The following RGS6 variants were observed in gnomAD, a reference collection of about 807,000 sequenced individuals.
RGS6 encodes the protein regulator of G-protein signaling 6.
A neutral mutation model predicts 78.5 loss-of-function variants in RGS6; 30 were observed. That is an observed-to-expected ratio of 0.38 (90% CI 0.29 to 0.52). The LOEUF is 0.52. RGS6 is among the 20% of genes least tolerant of loss of function. RGS6 has a pLI of 0.85. For synonymous variants in RGS6, 206 were observed against 206.0 expected (o/e 1.00, Z 0.00); for missense variants, 495 against 609.7 (o/e 0.81, Z 1.98).
chr14:71,893,519 A>C, the RGS6 span, among the ~76,000 whole-genome samples: 9 of 152,136 alleles, frequency 5.9e-5, no homozygotes, highest in South Asian at 1.2e-3. Flanking sequence ...AAATAGTAGA[A>C]AGGAGAGTTT....
chr14:72,451,220 T>C (rs1329871689), intron 3 of RGS6, among the ~76,000 whole-genome samples: 1 of 152,162 alleles, frequency 6.6e-6, no homozygotes, highest in Admixed American at 6.5e-5. Flanking sequence ...CTGAGGACTG[T>C]TGCATCAGTC....
chr14:72,020,324 CA>C (rs1357389970), intron 2 of RGS6, among the ~76,000 whole-genome samples: 3 of 152,216 alleles, frequency 2.0e-5, no homozygotes, highest in Non-Finnish European at 4.4e-5. Context: ...AAAATTTAAT[CA>C]GACCAAGTGC....
intron 3 of RGS6, among the ~76,000 whole-genome samples, chr14:72,361,822 G>A (rs568963320): frequency 1.3e-5 from 2 of 152,272 alleles, no homozygotes; most frequent in South Asian, 4.1e-4. Flanking sequence ...AGTCAAAGCT[G>A]AGTGTGTTTT....
chr14:72,430,528 C>T (rs568459172), intron 3 of RGS6, among the ~76,000 whole-genome samples: 64 of 152,330 alleles, frequency 4.2e-4, no homozygotes, highest in Admixed American at 6.5e-4. Context: ...GTTGGCTGCA[C>T]AACAGCTTGG....
chr14:72,557,956 A>G (rs565245529), intron 17 of RGS6, among the ~76,000 whole-genome samples: 1 of 152,322 alleles, frequency 6.6e-6, no homozygotes, highest in African/African-American at 2.4e-5. Flanking sequence ...ATTCCAAGGC[A>G]TAGATGTCAT....
chr14:72,065,348 G>A (rs1192561889), intron 2 of RGS6, among the ~76,000 whole-genome samples: 1 of 152,116 alleles, frequency 6.6e-6, no homozygotes, highest in Non-Finnish European at 1.5e-5. Flanking sequence ...TCTGCCAGAG[G>A]CTTTATCCCA....
At chr14:72,593,667 G>A in the RGS6 span, among the ~76,000 whole-genome samples, 20 of 152,184 alleles carry the variant, frequency 1.3e-4, no homozygotes, top group African/African-American at 3.9e-4. Flanking sequence ...GATTACAGCC[G>A]TGAGCCACCG....
intron 2 of RGS6, among the ~76,000 whole-genome samples, chr14:72,068,657 C>T (rs1320426212): frequency 1.3e-5 from 2 of 151,568 alleles, no homozygotes. Flanking sequence ...CCACCACACC[C>T]GGCTAATTTT....
the RGS6 span, among the ~76,000 whole-genome samples, chr14:72,591,679 G>C: frequency 2.6e-5 from 4 of 152,222 alleles, no homozygotes; most frequent in Admixed American, 2.6e-4. Flanking sequence ...ACCTGCACAA[G>C]AGACTGTGTG....
At chr14:72,248,013 A>G (rs892908599) in intron 2 of RGS6, among the ~76,000 whole-genome samples, 2 of 152,246 alleles carry the variant, frequency 1.3e-5, no homozygotes, top group Non-Finnish European at 2.9e-5. Flanking sequence ...GTAGTCACTG[A>G]AGAACTATTA....
chr14:72,545,598 G>A (rs909352141), intron 17 of RGS6, among the ~76,000 whole-genome samples: 1 of 152,312 alleles, frequency 6.6e-6, no homozygotes, highest in African/African-American at 2.4e-5. Flanking sequence ...CTTAGAATGG[G>A]AGAGGAGCTG....
intron 2 of RGS6, among the ~76,000 whole-genome samples, chr14:72,087,879 G>A (rs898266277): frequency 6.6e-6 from 1 of 152,112 alleles, no homozygotes; most frequent in Non-Finnish European, 1.5e-5. Flanking sequence ...GCATGGATGA[G>A]CTCATTCATC....
chr14:71,989,086 A>C (rs922938918), intron 2 of RGS6, among the ~76,000 whole-genome samples: 12 of 152,408 alleles, frequency 7.9e-5, no homozygotes, highest in African/African-American at 2.9e-4. Flanking sequence ...TGCAATGTCC[A>C]AATGGCTGTC....
chr14:71,933,425 TG>T (rs2088241567), intron 1 of RGS6: 1 of 134,230 alleles, frequency 7.4e-6, no homozygotes, highest in African/African-American at 2.7e-5. Context: ...CAGGGGCGGG[TG>T]GGGAGGTTTG....
At chr14:71,908,912 A>G in the RGS6 span, among the ~76,000 whole-genome samples, 1 of 152,204 alleles carries the variant, frequency 6.6e-6, no homozygotes, top group Non-Finnish European at 1.5e-5. Flanking sequence ...TTCTAAGCTG[A>G]CCATCAATTA....
At chr14:72,125,524 A>T (rs1755525374) in intron 2 of RGS6, among the ~76,000 whole-genome samples, 1 of 152,116 alleles carries the variant, frequency 6.6e-6, no homozygotes, top group Admixed American at 6.6e-5. Flanking sequence ...TAGAGAAAAG[A>T]TTTTATTCAC....
chr14:71,979,013 T>G (rs1274865576), intron 2 of RGS6, among the ~76,000 whole-genome samples: 1 of 151,122 alleles, frequency 6.6e-6, no homozygotes, highest in Non-Finnish European at 1.5e-5. Flanking sequence ...TGTCGAGGAA[T>G]TTATCCATTT....
chr14:71,905,377 G>T, the RGS6 span, among the ~76,000 whole-genome samples: 1 of 152,150 alleles, frequency 6.6e-6, no homozygotes, highest in African/African-American at 2.4e-5. Context: ...TTTTTTTGCA[G>T]CTATAGTTTT....
At chr14:72,068,916 A>C (rs1408351972) in intron 2 of RGS6, among the ~76,000 whole-genome samples, 2 of 151,946 alleles carry the variant, frequency 1.3e-5, no homozygotes, top group East Asian at 3.8e-4. Context: ...TTCTTGATAT[A>C]TTTGGATTTC....
Sources: gnomAD v4.1 joint callset for allele counts (sites outside exome capture counted in the v4.1 genomes callset) on GRCh38, gnomAD v4.1.1 for gene constraint, MANE v1.5 for transcripts, NCBI Gene and HGNC (gene_info 2026-07-23, HGNC 2026-07-21) for gene names.